Variants in SYNE1 observed in about 807,000 individuals in gnomAD.
SYNE1 encodes the protein nesprin-1.
Under a neutral mutation model 1,111.0 loss-of-function variants are expected in SYNE1, and 616 were observed. The ratio of observed to expected loss-of-function variants is 0.55; its 90% CI spans 0.52 to 0.59. SYNE1 has a LOEUF of 0.59. Among genes scored for constraint, SYNE1 ranks in the 20% least tolerant of loss-of-function variants. The probability of loss-of-function intolerance (pLI) is 0.00; values close to 1 mark genes in which losing one functional copy is unlikely to be tolerated. For synonymous variants in SYNE1, 3,855 were observed against 3,825.8 expected (o/e 1.01, Z -0.28); for missense variants, 10,006 against 10,417.0 (o/e 0.96, Z 1.72).
At chr6:152,593,229 T>G (rs2099571888) in intron 3 of SYNE1, among the ~76,000 whole-genome samples, 1 of 151,986 alleles carries the variant, frequency 6.6e-6, no homozygotes, top group Admixed American at 6.5e-5. Context: ...AATCTATTGA[T>G]AGCATTCAAT....
chr6:152,193,820 A>G lies in SYNE1; in HGVS notation c.23146-4413T>C, dbSNP rs139121883. Among the ~76,000 whole-genome samples the G allele has an allele frequency of 8.3e-3, 1,254 of 151,886 alleles. 9 individuals are homozygous for G. Among genetic ancestry groups the G allele is most frequent in the South Asian group, 0.015 (70 of 4,812 alleles). On this transcript the variant is annotated intron_variant, in intron 127 of 145. Transcript: ENST00000367255. ...AGGTTAGGAGATCGAAACCATCCTG[A>G]CTAACACGGTGAAACCCTGTCTCTA...
At chr6:152,167,724 C>T (rs553910226) in intron 130 of SYNE1, 47 of 534,044 alleles carry the variant, frequency 8.8e-5, no homozygotes, top group South Asian at 6.5e-4. Flanking sequence ...CCAGCTAAGG[C>T]TAAATTTCAG....
chr6:152,204,234 G>A (rs541751824), intron 126 of SYNE1, among the ~76,000 whole-genome samples: 6 of 151,844 alleles, frequency 4.0e-5, no homozygotes, highest in East Asian at 1.9e-4. Flanking sequence ...GCGTGGTGGC[G>A]TGCACCTGTA....
intron 124 of SYNE1, among the ~76,000 whole-genome samples, chr6:152,209,255 G>A (rs1308853597): frequency 4.6e-5 from 7 of 152,158 alleles, no homozygotes; most frequent in African/African-American, 1.7e-4. Flanking sequence ...GTATCTTCTT[G>A]AAACTTCCTA....
chr6:152,244,479 T>A, intron 106 of SYNE1, 58 bp downstream of exon 106: 1 of 1,613,002 alleles, frequency 6.2e-7, no homozygotes, highest in Non-Finnish European at 8.5e-7. Flanking sequence ...AGTGATTTTT[T>A]CTAGACTTCA....
At position 152,325,957 on chromosome 6, in the gene SYNE1, C is replaced by G; in HGVS notation, c.15438+1G>C. The G allele has an allele frequency of 6.2e-7, 1 of 1,614,110 alleles. No individual in the cohort carries two copies. The highest frequency in any genetic ancestry group is 8.5e-7 in the Non-Finnish European group (1 of 1,180,008). On this transcript the variant is annotated splice_donor_variant, in intron 80 of 145. Transcript: ENST00000367255. LOFTEE classifies it high-confidence loss of function. ...TTTTTTAAATGGCCCAAAACTCTGA[C>G]CTTGTGTTCTGACAATTTTTCTTCC...
intron 77 of SYNE1, among the ~76,000 whole-genome samples, 171 bp from the exon 78 acceptor site, chr6:152,332,061 G>C (rs188238607): frequency 2.9e-4 from 44 of 152,214 alleles, no homozygotes; most frequent in African/African-American, 9.1e-4. Flanking sequence ...GGCAACCTCC[G>C]CCTCCCAGGT....
intron 102 of SYNE1, 69 bp from the exon 103 acceptor site, chr6:152,255,815 T>G: frequency 6.4e-7 from 1 of 1,563,782 alleles, no homozygotes. Flanking sequence ...AATATCAGGA[T>G]GGGGCCGGTG....
Position 152,447,493 on chromosome 6 carries a change from T to C in SYNE1, c.3634A>G (p.Ser1212Gly). 1 of 1,614,254 alleles carries C rather than the reference T, an allele frequency of 6.2e-7. No individual in the cohort carries two copies. Among genetic ancestry groups the C allele is most frequent in the Non-Finnish European group, 8.5e-7 (1 of 1,180,040 alleles). Residue 1212 changes from serine (S) to glycine (G), a missense_variant, in exon 29 of 146, where the codon AGC becomes GGC. Physicochemically the swap from Ser to Gly is moderately conservative, Grantham distance 56 (BLOSUM62 0). Transcript: ENST00000367255. ...KQGDELAKLS[S>G]SFKALVTLLS... ...AGCGTCACAAGAGCCTTGAAAGAGCTGGATAATTTTGCCAGCTCATCTCCC... is the reference window on the plus strand; with the variant it reads ...AGCGTCACAAGAGCCTTGAAAGAGCCGGATAATTTTGCCAGCTCATCTCCC...
chr6:152,453,832 T>G, intron 24 of SYNE1, 112 bp from the exon 25 acceptor site: 2 of 1,365,342 alleles, frequency 1.5e-6, no homozygotes, highest in East Asian at 4.6e-5. Flanking sequence ...GCTGCCCTCT[T>G]GCAGACTTCC....
intron 130 of SYNE1, among the ~76,000 whole-genome samples, chr6:152,175,826 C>T (rs2066328121): frequency 6.6e-6 from 1 of 152,110 alleles, no homozygotes; most frequent in African/African-American, 2.4e-5. Flanking sequence ...CTTACCCAAC[C>T]CTACCCTTCT....
chr6:152,299,407 ACTT>A (rs1212267104), intron 93 of SYNE1, among the ~76,000 whole-genome samples: 4 of 152,194 alleles, frequency 2.6e-5, no homozygotes, highest in Non-Finnish European at 4.4e-5. Context: ...GGCTCCCTGA[ACTT>A]CTCCTTTTAT....
Position 152,381,291 on chromosome 6 carries a change from T to C in SYNE1, c.8724A>G (p.Lys2908=). 1 of 1,614,182 alleles carries C rather than the reference T, an allele frequency of 6.2e-7. No individual in the cohort carries two copies. The highest frequency in any genetic ancestry group is 8.5e-7 in the Non-Finnish European group (1 of 1,180,042). The change falls in exon 56 of 146, where the codon AAA becomes AAG. Residue 2908 remains lysine, a synonymous_variant. Coordinates refer to ENST00000367255, the MANE Select transcript of SYNE1 (RefSeq NM_182961.4). ...CACACCCACTGGCAGTTGTGTTCTG[T>C]TTCACTTCGGGAGCCAGCGACTCCA... ...SRVESLAPEV[K]QNTTASGCEL...
chr6:152,149,384 G>T (rs2813492), intron 136 of SYNE1, 93 bp downstream of exon 136: 54,675 of 1,480,716 alleles, frequency 0.037, 1,263 homozygotes, highest in Admixed American at 0.094. Flanking sequence ...CAGCTCCAGA[G>T]TCTGAGCTCT....
At chr6:152,510,407 A>G in intron 7 of SYNE1, 36 bp from the exon 8 acceptor site, 1 of 1,604,730 alleles carries the variant, frequency 6.2e-7, no homozygotes, top group Non-Finnish European at 8.5e-7. Flanking sequence ...AAATATAAGC[A>G]TTATCTTTGT....
chr6:152,340,596 C>A (rs2096513973), intron 74 of SYNE1, among the ~76,000 whole-genome samples: 1 of 152,180 alleles, frequency 6.6e-6, no homozygotes, highest in African/African-American at 2.4e-5. Context: ...CTCCTCCACC[C>A]CAGTTGTGAA....
rs555676198 is a variant in SYNE1, at chr6:152,530,434, G to A, written c.130-4259C>T. Among the ~76,000 whole-genome samples the A allele has an allele frequency of 2.0e-5, 3 of 149,742 alleles. No individual in the cohort carries two copies. In the South Asian group the frequency reaches 6.3e-4, roughly 32 times the overall value. ...AAAAGTAAATTTGTTCTGTAAAACA[G>A]AAGTGCATATCTTCAGAAGAACCTA... On this transcript the variant is annotated intron_variant, in intron 4 of 145. Coordinates refer to ENST00000367255, the MANE Select transcript of SYNE1 (RefSeq NM_182961.4).
chr6:152,466,074 A>G lies in SYNE1; in HGVS notation c.1637T>C (p.Phe546Ser). 1.3e-6 allele frequency: 2 copies of G among 1,578,940 alleles called. No homozygotes were observed. Among genetic ancestry groups the G allele is most frequent in the South Asian group, 1.1e-5 (1 of 90,364 alleles). ...VEQLLQNYVS[F>S]IENSKFFEQY... is the part of the protein sequence containing the mutation. ...TTCAAAGAACTTGCTATTTTCTATA[A>G]AAGACTAGAAAAGGAGGAATGGTTA... The change falls in exon 17 of 146, where the codon TTT becomes TCT. Residue 546 changes from phenylalanine (F) to serine (S), a missense_variant. Around this residue, in one of 7 missense-constraint regions of SYNE1, gnomAD observed 1,971 missense variants for 2,084.1 expected, o/e 0.95. Coordinates refer to ENST00000367255, the MANE Select transcript of SYNE1 (RefSeq NM_182961.4).
chr6:152,150,539 A>G (rs2060230933), intron 135 of SYNE1, among the ~76,000 whole-genome samples: 1 of 152,238 alleles, frequency 6.6e-6, no homozygotes, highest in South Asian at 2.1e-4. Flanking sequence ...CTGAGAATCC[A>G]TGTCTACGGG....
Sources: allele counts gnomAD v4.1 joint callset (sites outside exome capture counted in the v4.1 genomes callset), GRCh38; gene constraint gnomAD v4.1.1; regional missense constraint gnomAD v4.1.1; transcripts MANE v1.5; gene names NCBI Gene and HGNC (gene_info 2026-07-23, HGNC 2026-07-21).